XKR4: variants seen among roughly 807,000 people sequenced by gnomAD.
The protein encoded by XKR4 is XK-related protein 4.
A neutral mutation model predicts 53.9 loss-of-function variants in XKR4; 12 were observed. That is an observed-to-expected ratio of 0.22 (90% CI 0.14 to 0.36). XKR4 has a LOEUF of 0.36. XKR4 is among the 10% of genes least tolerant of loss of function. The pLI, the probability that XKR4 is intolerant of heterozygous loss-of-function variation, is 1.00. For synonymous variants in XKR4, 354 were observed against 362.4 expected, an observed-to-expected ratio of 0.98 and a Z score of 0.26; for missense variants, 799 against 859.5, an observed-to-expected ratio of 0.93 and a Z score of 0.88.
At chr8:55,348,864 G>A (rs1803689382) in intron 1 of XKR4, among the ~76,000 whole-genome samples, 2 of 151,714 alleles carry the variant, frequency 1.3e-5, no homozygotes, top group African/African-American at 4.8e-5. Context: ...AGATAGAGAT[G>A]GATACAGATA....
At chr8:55,450,211 C>A in intron 2 of XKR4, 1 of 647,278 alleles carries the variant, frequency 1.5e-6, no homozygotes, top group South Asian at 1.6e-5. Flanking sequence ...CACCACACAG[C>A]ACCTGCTCTG....
intron 1 of XKR4, among the ~76,000 whole-genome samples, chr8:55,221,125 C>T (rs749813566): frequency 3.3e-5 from 5 of 152,186 alleles, no homozygotes; most frequent in African/African-American, 9.6e-5. Flanking sequence ...CAAGGCTGGC[C>T]GGCCAATGTG....
intron 1 of XKR4, among the ~76,000 whole-genome samples, chr8:55,281,405 T>C (rs1397574574): frequency 6.6e-6 from 1 of 152,180 alleles, no homozygotes; most frequent in Non-Finnish European, 1.5e-5. Flanking sequence ...ACCTCATGTA[T>C]CTTATCCTGA....
At chr8:55,321,861 C>T (rs376849272) in intron 1 of XKR4, among the ~76,000 whole-genome samples, 101 of 152,052 alleles carry the variant, frequency 6.6e-4, no homozygotes, top group Non-Finnish European at 1.1e-3. Context: ...TGGTGGCACG[C>T]GCCTGTAGTC....
intron 1 of XKR4, among the ~76,000 whole-genome samples, chr8:55,268,969 C>T (rs1299006049): frequency 3.9e-5 from 6 of 152,124 alleles, no homozygotes; most frequent in African/African-American, 1.4e-4. Flanking sequence ...AAAAGTTCCA[C>T]CTTAAACAGG....
At chr8:55,171,946 A>G (rs542457699) in intron 1 of XKR4, among the ~76,000 whole-genome samples, 1 of 152,200 alleles carries the variant, frequency 6.6e-6, no homozygotes, top group Non-Finnish European at 1.5e-5. Flanking sequence ...TCTTTCTGAT[A>G]GACGTGTTCT....
chr8:55,191,218 A>G (rs1817440459), intron 1 of XKR4, among the ~76,000 whole-genome samples: 1 of 152,102 alleles, frequency 6.6e-6, no homozygotes, highest in African/African-American at 2.4e-5. Context: ...TCCTCCAGCC[A>G]TCCAAACCCT....
At chr8:55,464,274 C>T (rs1306107841) in intron 2 of XKR4, among the ~76,000 whole-genome samples, 3 of 152,072 alleles carry the variant, frequency 2.0e-5, no homozygotes, top group African/African-American at 7.3e-5. Flanking sequence ...AAAGCTTATC[C>T]ACCATGATCA....
intron 2 of XKR4, among the ~76,000 whole-genome samples, chr8:55,374,908 C>T (rs1198233218): frequency 2.6e-5 from 4 of 152,172 alleles, no homozygotes; most frequent in African/African-American, 9.7e-5. Flanking sequence ...GAGACATAAA[C>T]CGAATGTGAC....
At chr8:55,219,572 G>A (rs1396264269) in intron 1 of XKR4, among the ~76,000 whole-genome samples, 1 of 152,156 alleles carries the variant, frequency 6.6e-6, no homozygotes, top group Non-Finnish European at 1.5e-5. Context: ...TCTGCATAAT[G>A]AATGATATGC....
chr8:55,271,593 G>A (rs1239243509), intron 1 of XKR4, among the ~76,000 whole-genome samples: 1 of 152,230 alleles, frequency 6.6e-6, no homozygotes, highest in East Asian at 1.9e-4. Context: ...GCAGAGGGCT[G>A]GAAAGCTTTA....
intron 1 of XKR4, among the ~76,000 whole-genome samples, chr8:55,345,954 C>A (rs1803630660): frequency 6.6e-6 from 1 of 151,794 alleles, no homozygotes. Flanking sequence ...TCACTTATAT[C>A]CAGAGAAGAT....
At chr8:55,264,948 C>T (rs574105936) in intron 1 of XKR4, among the ~76,000 whole-genome samples, 1 of 152,224 alleles carries the variant, frequency 6.6e-6, no homozygotes, top group Admixed American at 6.5e-5. Context: ...AAAGTCTCTT[C>T]TAGCTGCTAG....
At chr8:55,105,977 A>G (rs965797151) in intron 1 of XKR4, among the ~76,000 whole-genome samples, 2 of 152,150 alleles carry the variant, frequency 1.3e-5, no homozygotes, top group Admixed American at 6.5e-5. Flanking sequence ...ATGATTCCTT[A>G]AATTAGAAGC....
At chr8:55,342,443 C>T (rs1320512893) in intron 1 of XKR4, among the ~76,000 whole-genome samples, 1 of 152,062 alleles carries the variant, frequency 6.6e-6, no homozygotes, top group Non-Finnish European at 1.5e-5. Context: ...CCTCACTGTG[C>T]TCCTCCCCTT....
intron 2 of XKR4, among the ~76,000 whole-genome samples, chr8:55,503,865 G>C (rs1238312060): frequency 6.6e-6 from 1 of 151,708 alleles, no homozygotes; most frequent in Non-Finnish European, 1.5e-5. Flanking sequence ...ATTATGATGA[G>C]GTAGTTTCCT....
chr8:55,330,797 C>G (rs1803372563), intron 1 of XKR4, among the ~76,000 whole-genome samples: 1 of 152,106 alleles, frequency 6.6e-6, no homozygotes, highest in Admixed American at 6.6e-5. Context: ...CCCTCAGAAA[C>G]TCACCAATCT....
At position 55,103,250 on chromosome 8, in the gene XKR4, C is replaced by T. The variant is rs770311469; in HGVS notation, c.762C>T (p.Leu254=). 9.9e-6 allele frequency: 16 copies of T among 1,613,358 alleles called. No individual in the cohort carries two copies. In the South Asian group the frequency reaches 1.1e-4, roughly 11 times the overall value. The stretch of plus-strand genomic sequence containing the variant: ...CGTCCTGCTCCTTCTGCATCTGGCT[C>T]CTGCAGTCACTCATCCACATCTTGC... The part of the protein sequence containing the change: ...RSASCSFCIW[L]LQSLIHILQL... The change falls in exon 1 of 3, where the codon CTC becomes CTT. Residue 254 remains leucine, a synonymous_variant. Transcript: ENST00000327381.
chr8:55,468,652 T>C (rs892456677), intron 2 of XKR4, among the ~76,000 whole-genome samples: 14 of 152,152 alleles, frequency 9.2e-5, no homozygotes, highest in Admixed American at 3.9e-4. Flanking sequence ...TTTTTATAGA[T>C]GAATGAATCA....
Sources: allele counts gnomAD v4.1 joint callset (sites outside exome capture counted in the v4.1 genomes callset), GRCh38; gene constraint gnomAD v4.1.1; transcripts MANE v1.5; gene names NCBI Gene and HGNC (gene_info 2026-07-23, HGNC 2026-07-21).